The following CD1B variants were observed in gnomAD, a reference collection of about 807,000 sequenced individuals.
CD1B encodes CD1b molecule.
A neutral mutation model predicts 39.8 loss-of-function variants in CD1B; 43 were observed. The ratio of observed to expected loss-of-function variants is 1.08; its 90% CI spans 0.85 to 1.39. CD1B has a LOEUF of 1.39. CD1B is among the 40% of genes most tolerant of loss of function. The probability of loss-of-function intolerance (pLI) is 0.00; values close to 1 mark genes in which losing one functional copy is unlikely to be tolerated. For synonymous variants in CD1B, 192 were observed against 152.5 expected, an observed-to-expected ratio of 1.26 and a Z score of -1.91; for missense variants, 495 against 403.8, an observed-to-expected ratio of 1.23 and a Z score of -1.94.
At chr1:158,309,872 C>A in the CD1B span, among the ~76,000 whole-genome samples, 8 of 151,900 alleles carry the variant, frequency 5.3e-5, no homozygotes, top group South Asian at 1.7e-3. Context: ...AGGAGATATA[C>A]CTAATATTAA....
At chr1:158,317,853 G>C in the CD1B span, among the ~76,000 whole-genome samples, 1 of 152,124 alleles carries the variant, frequency 6.6e-6, no homozygotes, top group Non-Finnish European at 1.5e-5. Context: ...AGAGATTCTG[G>C]TATGTTGTGT....
chr1:158,292,865 C>T, the CD1B span: 12 of 1,614,018 alleles, frequency 7.4e-6, no homozygotes, highest in Non-Finnish European at 9.3e-6. Context: ...GGACATCATC[C>T]TCTACTGGGG....
chr1:158,321,353 A>T, the CD1B span, among the ~76,000 whole-genome samples: 1 of 152,168 alleles, frequency 6.6e-6, no homozygotes, highest in African/African-American at 2.4e-5. Context: ...CTCCATTTGC[A>T]TGGAATATCT....
the CD1B span, among the ~76,000 whole-genome samples, chr1:158,297,708 C>T: frequency 2.6e-5 from 4 of 151,958 alleles, no homozygotes; most frequent in Non-Finnish European, 5.9e-5. Context: ...TAAGGCAGGC[C>T]GATTGCTTGA....
the CD1B span, among the ~76,000 whole-genome samples, chr1:158,296,739 A>T: frequency 2.0e-5 from 3 of 152,186 alleles, no homozygotes; most frequent in Non-Finnish European, 4.4e-5. Flanking sequence ...CAAAATAGCC[A>T]TTTTAAGAAA....
the CD1B span, among the ~76,000 whole-genome samples, chr1:158,317,313 G>A: frequency 1.3e-5 from 2 of 152,084 alleles, no homozygotes; most frequent in Non-Finnish European, 2.9e-5. Context: ...TTGTTGGTAA[G>A]GTATTGATTA....
the CD1B span, among the ~76,000 whole-genome samples, chr1:158,289,341 T>G: frequency 6.6e-6 from 1 of 152,228 alleles, no homozygotes; most frequent in Non-Finnish European, 1.5e-5. Flanking sequence ...ACAGATTAAA[T>G]GCAGTAGAAG....
At chr1:158,326,100 A>G (rs1488175919), downstream of CD1B, among the ~76,000 whole-genome samples, 1 of 152,116 alleles carries the variant, frequency 6.6e-6, no homozygotes, top group Non-Finnish European at 1.5e-5. Flanking sequence ...CTCCCTGAGT[A>G]GCTGGGACTA....
the CD1B span, among the ~76,000 whole-genome samples, chr1:158,306,378 A>T: frequency 6.6e-6 from 1 of 152,236 alleles, no homozygotes. Flanking sequence ...AAGAAGAGCT[A>T]ACTATCCTAA....
At chr1:158,328,393 G>T in intron 5 of CD1B, 136 bp from the exon 6 acceptor site, 1 of 613,924 alleles carries the variant, frequency 1.6e-6, no homozygotes. Context: ...TGAACAAAAT[G>T]TGTTATACGC....
chr1:158,330,511 G>A lies in CD1B; in HGVS notation c.328+285C>T, dbSNP rs553807777. ...GTTAGATCACTCAGGCACAGGGTAGGAGAAGTAAGGGCCCTTGAGGAGAAG... is the reference window on the plus strand; with the variant it reads ...GTTAGATCACTCAGGCACAGGGTAGAAGAAGTAAGGGCCCTTGAGGAGAAG... On this transcript the variant is annotated intron_variant, in intron 2 of 5. Transcript: ENST00000368168. 9 of 616,720 alleles carry A rather than the reference G, an allele frequency of 1.5e-5. No individual in the cohort carries two copies. In the South Asian group the frequency reaches 1.5e-4, roughly 11 times the overall value. The allele number at this position is 616,720 out of a possible 1,614,324, so 38.2% of individuals were successfully genotyped here. A position where few individuals can be genotyped will look rare whatever the true frequency, so the allele number is the denominator to read the frequency against.
At chr1:158,306,867 G>A in the CD1B span, among the ~76,000 whole-genome samples, 3 of 152,100 alleles carry the variant, frequency 2.0e-5, no homozygotes, top group South Asian at 6.2e-4. Flanking sequence ...AAATAAAGAT[G>A]TTCTTTGAAA....
the CD1B span, among the ~76,000 whole-genome samples, chr1:158,306,608 C>A: frequency 2.2e-3 from 341 of 152,288 alleles, 2 homozygotes; most frequent in African/African-American, 8.0e-3. Context: ...ACTCTCCACC[C>A]CAAATCAACA....
downstream of CD1B, among the ~76,000 whole-genome samples, chr1:158,326,838 C>G (rs1412847612): frequency 6.6e-6 from 1 of 151,860 alleles, no homozygotes; most frequent in Non-Finnish European, 1.5e-5. Context: ...GCTCTGTCAC[C>G]CAGGCTGGAG....
chr1:158,329,654 G>T lies in CD1B; in HGVS notation c.608-6C>A. On this transcript the variant is annotated splice_region_variant and splice_polypyrimidine_tract_variant and intron_variant, in intron 3 of 5. Coordinates refer to ENST00000368168, the MANE Select transcript of CD1B (RefSeq NM_001764.3). ...CAGCCAGGCCTCAGGCTTCACTAAGGCAGGAAGGAGAAAAAAAAGTGTCAT... is the reference window on the plus strand; with the variant it reads ...CAGCCAGGCCTCAGGCTTCACTAAGTCAGGAAGGAGAAAAAAAAGTGTCAT... The T allele has an allele frequency of 6.2e-7, 1 of 1,611,568 alleles. No homozygotes were observed. The highest frequency in any genetic ancestry group is 8.5e-7 in the Non-Finnish European group (1 of 1,178,414).
chr1:158,328,889 T>TAAAA, intron 5 of CD1B, 32 bp downstream of exon 5: 1 of 1,157,448 alleles, frequency 8.6e-7, no homozygotes, highest in Non-Finnish European at 1.2e-6. Flanking sequence ...AAAGACATAT[T>TAAAA]AAAAAAAAAA....
At chr1:158,326,161 A>G (rs916403428), downstream of CD1B, among the ~76,000 whole-genome samples, 1 of 151,954 alleles carries the variant, frequency 6.6e-6, no homozygotes, top group East Asian at 1.9e-4. Context: ...TTTAGTAGAG[A>G]TGGGGTTTCA....
At chr1:158,293,735 G>A in the CD1B span, 3 of 739,272 alleles carry the variant, frequency 4.1e-6, no homozygotes, top group South Asian at 1.8e-5. Context: ...TGAACCCAGA[G>A]AGCCCCTCAA....
the CD1B span, among the ~76,000 whole-genome samples, chr1:158,312,256 C>T: frequency 6.6e-6 from 1 of 152,134 alleles, no homozygotes; most frequent in Non-Finnish European, 1.5e-5. Context: ...CTTTCCTGTG[C>T]TGTTCTCATG....
Sources: gnomAD v4.1 joint callset for allele counts (sites outside exome capture counted in the v4.1 genomes callset) on GRCh38, gnomAD v4.1.1 for gene constraint, MANE v1.5 for transcripts, NCBI Gene and HGNC (gene_info 2026-07-23, HGNC 2026-07-21) for gene names.